Variants in SUMF1 observed in about 807,000 individuals in gnomAD.
The protein encoded by SUMF1 is sulfatase modifying factor 1, also known as formylglycine-generating enzyme.
SUMF1 carries 48 observed loss-of-function variants against 47.6 expected under a neutral mutation model. The ratio of observed to expected loss-of-function variants is 1.01; its 90% CI spans 0.80 to 1.28. SUMF1 has a LOEUF of 1.28. Ranked by LOEUF, SUMF1 falls within the 50% of genes most tolerant of loss-of-function variation. The pLI is 0.00. For synonymous variants in SUMF1, 230 were observed against 192.1 expected, an observed-to-expected ratio of 1.20 and a Z score of -1.63; for missense variants, 571 against 485.4, an observed-to-expected ratio of 1.18 and a Z score of -1.66.
At chr3:4,260,554 T>C (rs1288316574) in intron 8 of SUMF1, among the ~76,000 whole-genome samples, 1 of 152,128 alleles carries the variant, frequency 6.6e-6, no homozygotes, top group South Asian at 2.1e-4. Flanking sequence ...GGGCATAACG[T>C]AGATCATTGT....
chr3:4,316,246 G>A (rs369900694), intron 8 of SUMF1: 3 of 760,264 alleles, frequency 3.9e-6, no homozygotes, highest in South Asian at 1.5e-5. Context: ...AAGCAAATTC[G>A]AGCAATTTTC....
chr3:4,169,193 G>T (rs1045947424), intron 8 of SUMF1, among the ~76,000 whole-genome samples: 3 of 152,040 alleles, frequency 2.0e-5, no homozygotes, highest in Non-Finnish European at 4.4e-5. Context: ...TACAACAGCT[G>T]CTATTAAACT....
At chr3:4,213,615 G>C (rs1024028954) in intron 8 of SUMF1, among the ~76,000 whole-genome samples, 12 of 152,150 alleles carry the variant, frequency 7.9e-5, no homozygotes, top group Admixed American at 4.6e-4. Context: ...GGCACAGACT[G>C]GCAAATTGGA....
At chr3:4,319,215 A>T (rs752817561) in intron 8 of SUMF1, among the ~76,000 whole-genome samples, 1 of 152,224 alleles carries the variant, frequency 6.6e-6, no homozygotes, top group Non-Finnish European at 1.5e-5. Context: ...TAAAAGAGCT[A>T]GGCATAGCCT....
chr3:4,394,077 GT>G (rs529980165), intron 7 of SUMF1, among the ~76,000 whole-genome samples: 2 of 151,530 alleles, frequency 1.3e-5, no homozygotes, highest in South Asian at 4.2e-4. Flanking sequence ...TTATTTTTAG[GT>G]TTTTTTTGAG....
At chr3:4,429,992 G>C (rs1239631680) in intron 3 of SUMF1, among the ~76,000 whole-genome samples, 2 of 152,184 alleles carry the variant, frequency 1.3e-5, no homozygotes, top group Non-Finnish European at 2.9e-5. Context: ...GGACTTTAAA[G>C]GTGGGAAGGA....
intron 8 of SUMF1, among the ~76,000 whole-genome samples, chr3:4,165,344 C>T (rs1475483874): frequency 6.6e-6 from 1 of 152,000 alleles, no homozygotes; most frequent in African/African-American, 2.4e-5. Flanking sequence ...GGCTAAATTC[C>T]CTTCCCCTTA....
intron 8 of SUMF1, among the ~76,000 whole-genome samples, chr3:4,230,775 C>A (rs530576026): frequency 7.9e-5 from 12 of 152,244 alleles, no homozygotes; most frequent in African/African-American, 2.2e-4. Flanking sequence ...CTGAAGCTGT[C>A]TGGGGGCCTC....
At chr3:4,286,727 G>T (rs997828) in intron 8 of SUMF1, among the ~76,000 whole-genome samples, 42,855 of 151,988 alleles carry the variant, frequency 0.28, 7,481 homozygotes, top group East Asian at 0.6. Context: ...GTGTCAATAA[G>T]GCAAATGTAA....
At chr3:4,187,581 G>A (rs921270113) in intron 8 of SUMF1, among the ~76,000 whole-genome samples, 1 of 152,118 alleles carries the variant, frequency 6.6e-6, no homozygotes, top group Non-Finnish European at 1.5e-5. Flanking sequence ...AATTAAAATT[G>A]GAGAAGACGA....
intron 8 of SUMF1, among the ~76,000 whole-genome samples, chr3:4,110,553 T>C (rs1452862786): frequency 2.6e-5 from 4 of 152,022 alleles, no homozygotes; most frequent in East Asian, 1.9e-4. Context: ...CGTATGTTTA[T>C]AGTGGCACTG....
intron 7 of SUMF1, among the ~76,000 whole-genome samples, chr3:4,396,758 C>A (rs551985496): frequency 6.6e-6 from 1 of 152,228 alleles, no homozygotes; most frequent in Admixed American, 6.5e-5. Flanking sequence ...GTTTTACAGC[C>A]TCTCTCCCCA....
chr3:4,442,257 CT>C (rs35480700), intron 3 of SUMF1, among the ~76,000 whole-genome samples: 29,203 of 140,486 alleles, frequency 0.21, 3,294 homozygotes, highest in Non-Finnish European at 0.27. Flanking sequence ...ACCATGAACT[CT>C]TTTTTTTTTT....
intron 8 of SUMF1, among the ~76,000 whole-genome samples, chr3:4,212,773 A>G (rs1695827652): frequency 6.6e-6 from 1 of 152,214 alleles, no homozygotes; most frequent in Non-Finnish European, 1.5e-5. Flanking sequence ...ATACACAAGT[A>G]TCAATAGCCG....
At chr3:4,330,248 C>T (rs571534990) in intron 8 of SUMF1, among the ~76,000 whole-genome samples, 2 of 152,310 alleles carry the variant, frequency 1.3e-5, no homozygotes, top group East Asian at 3.9e-4. Context: ...AAGTCTCTTC[C>T]ACATTTTTTG....
At chr3:4,317,754 A>G (rs144406670) in intron 8 of SUMF1, among the ~76,000 whole-genome samples, 105 of 152,340 alleles carry the variant, frequency 6.9e-4, no homozygotes, top group African/African-American at 2.4e-3. Context: ...TGAACAAATC[A>G]CTGAACCTTT....
At chr3:4,322,648 A>G (rs890824313) in intron 8 of SUMF1, among the ~76,000 whole-genome samples, 1 of 151,582 alleles carries the variant, frequency 6.6e-6, no homozygotes, top group African/African-American at 2.4e-5. Flanking sequence ...TGAAAGAGGG[A>G]GACCTGCCTA....
intron 9 of SUMF1, among the ~76,000 whole-genome samples, chr3:4,051,680 A>G (rs1695113427): frequency 6.6e-6 from 1 of 152,126 alleles, no homozygotes; most frequent in African/African-American, 2.4e-5. Context: ...CAATTCCAGG[A>G]CACTAGCCAT....
At chr3:4,280,998 T>C (rs1697518242) in intron 8 of SUMF1, among the ~76,000 whole-genome samples, 1 of 152,068 alleles carries the variant, frequency 6.6e-6, no homozygotes, top group Non-Finnish European at 1.5e-5. Context: ...CATTCACAAG[T>C]ACTAGGAGTT....
Sources: gnomAD v4.1 joint callset for allele counts (sites outside exome capture counted in the v4.1 genomes callset) on GRCh38, gnomAD v4.1.1 for gene constraint, MANE v1.5 for transcripts, NCBI Gene and HGNC (gene_info 2026-07-23, HGNC 2026-07-21) for gene names.